Variants in NLGN1 observed in about 807,000 individuals in gnomAD.
NLGN1 encodes neuroligin-1.
A neutral mutation model predicts 65.5 loss-of-function variants in NLGN1; 12 were observed. The observed-to-expected ratio is 0.18, with a 90% CI of 0.12 to 0.30. The LOEUF (loss-of-function observed/expected upper bound fraction) is 0.30. NLGN1 is among the 10% of genes least tolerant of loss of function. NLGN1 has a pLI of 1.00. For missense variants in NLGN1, 750 were observed against 1,007.1 expected, an observed-to-expected ratio of 0.74 and a Z score of 3.46; for synonymous variants, 350 against 359.5, an observed-to-expected ratio of 0.97 and a Z score of 0.30.
intron 3 of NLGN1, among the ~76,000 whole-genome samples, chr3:173,675,758 G>C (rs1328063180): frequency 6.6e-6 from 1 of 151,922 alleles, no homozygotes; most frequent in Non-Finnish European, 1.5e-5. Flanking sequence ...TGATGGAACT[G>C]TTTTGTATCT....
At chr3:173,825,861 GT>G (rs1560445730) in intron 4 of NLGN1, among the ~76,000 whole-genome samples, 1 of 151,802 alleles carries the variant, frequency 6.6e-6, no homozygotes, top group South Asian at 2.1e-4. Flanking sequence ...TGTGATTTTG[GT>G]TTTTTTAAAT....
At chr3:174,057,890 C>T (rs1183319096) in intron 4 of NLGN1, 1 of 152,022 alleles carries the variant, frequency 6.6e-6, no homozygotes. Context: ...AGTTACTCTA[C>T]CTCTTTTACA....
At chr3:174,194,861 TC>T (rs1158319818) in intron 4 of NLGN1, among the ~76,000 whole-genome samples, 1 of 102,864 alleles carries the variant, frequency 9.7e-6, no homozygotes, top group Admixed American at 1.0e-4. Flanking sequence ...TTTTCTTTTT[TC>T]TTTTTTCTTT....
intron 1 of NLGN1, among the ~76,000 whole-genome samples, chr3:173,415,904 T>TATATATATATATATATAGAGAGAGAG (rs1380777305): frequency 8.0e-6 from 1 of 125,438 alleles, no homozygotes; most frequent in African/African-American, 3.3e-5. Flanking sequence ...TATATATATA[T>TATATATATATATATATAGAGAGAGAG]AGAGAGAGAG....
chr3:174,224,775 C>G (rs79191623), intron 4 of NLGN1, among the ~76,000 whole-genome samples: 1 of 152,150 alleles, frequency 6.6e-6, no homozygotes, highest in Admixed American at 6.5e-5. Context: ...TCAAGCTAAC[C>G]GAACTTTTTT....
intron 3 of NLGN1, among the ~76,000 whole-genome samples, chr3:173,669,960 C>A (rs895069052): frequency 6.6e-6 from 1 of 152,084 alleles, no homozygotes; most frequent in Non-Finnish European, 1.5e-5. Flanking sequence ...ATCTTGTTTA[C>A]AGCATAATTA....
chr3:174,027,687 C>T (rs2152467860), intron 4 of NLGN1, among the ~76,000 whole-genome samples: 1 of 152,088 alleles, frequency 6.6e-6, no homozygotes, highest in East Asian at 1.9e-4. Context: ...CAGGATGGCT[C>T]AAGTTTTGCT....
chr3:173,515,579 G>GT (rs769905278), intron 2 of NLGN1, among the ~76,000 whole-genome samples: 3 of 151,998 alleles, frequency 2.0e-5, no homozygotes, highest in Non-Finnish European at 4.4e-5. Context: ...ACGTCATGAA[G>GT]TTTTACCCAG....
intron 2 of NLGN1, chr3:173,584,487 G>C (rs1279352609): frequency 9.8e-6 from 1 of 101,932 alleles, no homozygotes; most frequent in East Asian, 3.1e-4. Context: ...AAGAAAGAAA[G>C]AAACCAGAGT....
intron 4 of NLGN1, among the ~76,000 whole-genome samples, chr3:174,244,095 TAAA>T (rs1743358756): frequency 6.6e-6 from 1 of 152,230 alleles, no homozygotes; most frequent in African/African-American, 2.4e-5. Flanking sequence ...TCTTTCCTAA[TAAA>T]ATAAATGTGG....
intron 4 of NLGN1, among the ~76,000 whole-genome samples, chr3:173,980,081 A>T (rs1718423022): frequency 6.6e-6 from 1 of 152,074 alleles, no homozygotes; most frequent in African/African-American, 2.4e-5. Flanking sequence ...AAATCTACTT[A>T]CTCAATACAA....
intron 2 of NLGN1, among the ~76,000 whole-genome samples, chr3:173,469,402 C>T (rs1034037266): frequency 6.6e-5 from 10 of 152,122 alleles, no homozygotes; most frequent in Admixed American, 4.6e-4. Flanking sequence ...CTGATGATCC[C>T]CTCCTTTTCT....
chr3:173,537,352 T>C (rs985504750), intron 2 of NLGN1, among the ~76,000 whole-genome samples: 2 of 152,160 alleles, frequency 1.3e-5, no homozygotes, highest in Admixed American at 6.6e-5. Flanking sequence ...ATTCCTTCCA[T>C]AGACAAGGAG....
intron 3 of NLGN1, among the ~76,000 whole-genome samples, chr3:173,704,366 AT>A (rs982454939): frequency 6.6e-6 from 1 of 151,940 alleles, no homozygotes; most frequent in African/African-American, 2.4e-5. Flanking sequence ...GTATGTATGG[AT>A]TTTTTTTCAA....
chr3:174,001,855 T>C (rs1375900336), intron 4 of NLGN1, among the ~76,000 whole-genome samples: 2 of 152,024 alleles, frequency 1.3e-5, no homozygotes, highest in Non-Finnish European at 2.9e-5. Context: ...CTGGAGATGG[T>C]TCATGTAAAA....
At chr3:173,571,725 AAAGCTC>A (rs1350639610) in intron 2 of NLGN1, among the ~76,000 whole-genome samples, 1 of 152,218 alleles carries the variant, frequency 6.6e-6, no homozygotes, top group Non-Finnish European at 1.5e-5. Flanking sequence ...GTTTCATAAC[AAAGCTC>A]AGGCGAAGTA....
chr3:173,571,713 T>C (rs183306127), intron 2 of NLGN1, among the ~76,000 whole-genome samples: 2 of 152,366 alleles, frequency 1.3e-5, no homozygotes, highest in African/African-American at 4.8e-5. Flanking sequence ...CTTTTCATAG[T>C]AGTTTCATAA....
intron 4 of NLGN1, among the ~76,000 whole-genome samples, chr3:174,095,883 C>A (rs1231381918): frequency 6.6e-6 from 1 of 151,926 alleles, no homozygotes; most frequent in Non-Finnish European, 1.5e-5. Context: ...GCCTGTAGTC[C>A]TGGCTACTCG....
chr3:173,493,284 T>C (rs188259831), intron 2 of NLGN1, among the ~76,000 whole-genome samples: 12 of 151,914 alleles, frequency 7.9e-5, no homozygotes, highest in African/African-American at 2.9e-4. Flanking sequence ...GTCCCTGCCT[T>C]CTGGATGTGT....
Sources: gnomAD v4.1 joint callset for allele counts (sites outside exome capture counted in the v4.1 genomes callset) on GRCh38, gnomAD v4.1.1 for gene constraint, MANE v1.5 for transcripts, NCBI Gene and HGNC (gene_info 2026-07-23, HGNC 2026-07-21) for gene names.